The following KIFC2 variants were observed in gnomAD, a reference collection of about 807,000 sequenced individuals.
KIFC2 encodes the protein kinesin-like protein KIFC2.
In KIFC2, 94 loss-of-function variants were observed where a neutral mutation model predicts 91.5. The observed-to-expected ratio is 1.03, with a 90% CI of 0.87 to 1.22. The LOEUF (loss-of-function observed/expected upper bound fraction) is 1.22, where lower values mean the gene tolerates loss of function less well. Ranked by LOEUF, KIFC2 falls within the 50% of genes most tolerant of loss-of-function variation. The probability of loss-of-function intolerance (pLI) is 0.00; values close to 1 mark genes in which losing one functional copy is unlikely to be tolerated. For synonymous variants in KIFC2, 729 were observed against 503.9 expected (o/e 1.45, Z -5.98); for missense variants, 1,357 against 1,103.3 (o/e 1.23, Z -3.26).
At chr8:144,466,872 G>C (rs1335599566) in intron 2 of KIFC2, 34 bp downstream of exon 2, 2 of 1,536,702 alleles carry the variant, frequency 1.3e-6, no homozygotes, top group Non-Finnish European at 1.7e-6. Flanking sequence ...CGGTGCGAGG[G>C]CGGTGCCGGG....
At position 144,472,791 on chromosome 8, in the gene KIFC2, C is replaced by T. The variant is rs1476970472; in HGVS notation, c.1862-4C>T. 5.7e-6 allele frequency: 9 copies of T among 1,591,018 alleles called. No individual in the cohort carries two copies. Among genetic ancestry groups the T allele is most frequent in the Non-Finnish European group, 6.8e-6 (8 of 1,176,792 alleles). ...CCCCATGTCGGGCTCGCTCGCCCCTCTAGGCACGCTGCACCTGGTGGACCT... is the reference window on the plus strand; with the variant it reads ...CCCCATGTCGGGCTCGCTCGCCCCTTTAGGCACGCTGCACCTGGTGGACCT... On this transcript the variant is annotated splice_region_variant and splice_polypyrimidine_tract_variant and intron_variant, in intron 16 of 17. Coordinates refer to ENST00000645548, the MANE Select transcript of KIFC2 (RefSeq NM_001369769.2).
At position 144,473,804 on chromosome 8, in the gene KIFC2, C is replaced by T. The variant is rs1173821200; in HGVS notation, c.*415C>T. 1.6e-5 allele frequency: 6 copies of T among 369,592 alleles called. No individual in the cohort carries two copies. In the East Asian group the frequency reaches 1.9e-4, roughly 12 times the overall value. The allele number at this position is 369,592 out of a possible 1,614,324, so 22.9% of individuals were successfully genotyped here. On this transcript the variant is annotated 3_prime_UTR_variant, in exon 18 of 18. Transcript: ENST00000645548. ...CCATGTAGGGTGCAGTCTTTACTCC[C>T]TAACCCGTTTCCCGAAAAAGGTGCT...
chr8:144,473,088 T>C (rs2130024622), intron 17 of KIFC2, 37 bp downstream of exon 17: 1 of 1,529,706 alleles, frequency 6.5e-7, no homozygotes, highest in Non-Finnish European at 8.8e-7. Flanking sequence ...TGCGTGCCGG[T>C]CGCCGCCCAC....
rs747471973 is a variant in KIFC2, at chr8:144,472,028, G to A, written c.1467G>A (p.Gly489=). 14 of 1,613,374 alleles carry A rather than the reference G, an allele frequency of 8.7e-6. No individual in the cohort carries two copies. The highest frequency in any genetic ancestry group is 8.5e-6 in the Non-Finnish European group (10 of 1,180,028). ...CIFTYGQTGT[G]KTYSMEGPPE... ...TCACCTATGGCCAGACAGGCACCGG[G>A]AAGACCTACAGCATGGAGGTGGGAC... The change falls in exon 13 of 18, where the codon GGG becomes GGA. Residue 489 remains glycine, a synonymous_variant. Transcript: ENST00000645548.
At chr8:144,471,407 C>CTCTTT (rs2130010937) in intron 12 of KIFC2, among the ~76,000 whole-genome samples, 1 of 151,368 alleles carries the variant, frequency 6.6e-6, no homozygotes, top group African/African-American at 2.4e-5. Flanking sequence ...GCTTCCTGGG[C>CTCTTT]TCAAGAGATC....
chr8:144,469,845 G>C (rs558584748), intron 12 of KIFC2, among the ~76,000 whole-genome samples, 198 bp downstream of exon 12: 80 of 152,238 alleles, frequency 5.3e-4, no homozygotes, highest in Admixed American at 9.8e-4. Flanking sequence ...CTCCTCCCAG[G>C]CTTCACTGCC....
At chr8:144,471,652 C>T (rs1261158291) in intron 12 of KIFC2, among the ~76,000 whole-genome samples, 4 of 152,168 alleles carry the variant, frequency 2.6e-5, no homozygotes, top group African/African-American at 9.7e-5. Flanking sequence ...TAACTGCTGT[C>T]CCCAGGTCTC....
Position 144,473,426 on chromosome 8 carries a change from A to G in KIFC2, c.*37A>G. 6.4e-7 allele frequency: 1 copy of G among 1,553,624 alleles called. No homozygotes were observed. The highest frequency in any genetic ancestry group is 8.7e-7 in the Non-Finnish European group (1 of 1,155,170). On this transcript the variant is annotated 3_prime_UTR_variant, in exon 18 of 18. Coordinates refer to ENST00000645548, the MANE Select transcript of KIFC2 (RefSeq NM_001369769.2). ...GGCCCTGCCCATGGGGTCTCAGGCC[A>G]GGTCTCTGCTGGCAGAGGCGGTAGT... is the stretch of plus-strand genomic sequence containing the variant.
chr8:144,468,292 CCT>C, intron 7 of KIFC2, 35 bp from the exon 8 acceptor site: 2 of 1,553,048 alleles, frequency 1.3e-6, no homozygotes, highest in Non-Finnish European at 1.8e-6. Context: ...ACAGACCGTC[CCT>C]CTCTGAGTCC....
At chr8:144,469,991 C>G (rs1296764538) in intron 12 of KIFC2, among the ~76,000 whole-genome samples, 1 of 152,270 alleles carries the variant, frequency 6.6e-6, no homozygotes, top group Non-Finnish European at 1.5e-5. Context: ...TGTGCTCTCT[C>G]TGCCTTGCCT....
At position 144,466,431 on chromosome 8, in the gene KIFC2, T is replaced by G; in HGVS notation, c.12T>G (p.Phe4Leu). 2 of 1,341,774 alleles carry G rather than the reference T, an allele frequency of 1.5e-6. No homozygotes were observed. The highest frequency in any genetic ancestry group is 1.9e-6 in the Non-Finnish European group (2 of 1,030,948). The allele number at this position is 1,341,774 out of a possible 1,614,324, so 83.1% of individuals were successfully genotyped here. A position where few individuals can be genotyped will look rare whatever the true frequency, so the allele number is the denominator to read the frequency against. The change falls in exon 1 of 18, where the codon TTT becomes TTG. Residue 4 changes from phenylalanine (F) to leucine (L), a missense_variant. Coordinates refer to ENST00000645548, the MANE Select transcript of KIFC2 (RefSeq NM_001369769.2). MYA[F>L]YSLLIYIFYS... ...CGCCCCGCGCTCCCATGTACGCCTTTTACTCGTTGCTCATCTACATCTTCT... is the reference window on the plus strand; with the variant it reads ...CGCCCCGCGCTCCCATGTACGCCTTGTACTCGTTGCTCATCTACATCTTCT...
chr8:144,469,214 C>T (rs1174914038), intron 10 of KIFC2, 57 bp from the exon 11 acceptor site: 1 of 1,414,050 alleles, frequency 7.1e-7, no homozygotes, highest in Non-Finnish European at 9.7e-7. Context: ...CTCCCACCCC[C>T]CACCTCCGCA....
chr8:144,470,864 T>A (rs1824897158), intron 12 of KIFC2, among the ~76,000 whole-genome samples: 1 of 152,226 alleles, frequency 6.6e-6, no homozygotes, highest in Non-Finnish European at 1.5e-5. Context: ...ACTGCAGCCC[T>A]TATCTCTCAG....
rs1160170202 is a variant in KIFC2 at position 144,466,807 on chromosome 8, A to G, written c.147A>G (p.Pro49=). Residue 49 remains proline, a synonymous_variant, in exon 2 of 18, where the codon CCA becomes CCG. Transcript: ENST00000645548. ...GCCGGCGCCCAGACCTGCCCGCGCC[A>G]GAGCTGTGGACCGAGCTGACCGGCC... ...RGRRRPDLPA[P]ELWTELTGLA... is the part of the protein sequence containing the mutation. 4.6e-6 allele frequency: 7 copies of G among 1,537,670 alleles called. No individual in the cohort carries two copies. Among genetic ancestry groups the G allele is most frequent in the Non-Finnish European group, 6.1e-6 (7 of 1,149,098 alleles).
Position 144,472,359 on chromosome 8 carries a change from A to C in KIFC2, c.1608-2A>C. The C allele has an allele frequency of 1.2e-6, 2 of 1,613,394 alleles. No homozygotes were observed. Among genetic ancestry groups the C allele is most frequent in the Non-Finnish European group, 1.7e-6 (2 of 1,179,974 alleles). On this transcript the variant is annotated splice_acceptor_variant, in intron 14 of 17. Coordinates refer to ENST00000645548, the MANE Select transcript of KIFC2 (RefSeq NM_001369769.2). LOFTEE classifies it high-confidence loss of function. ...AACCAAGACCTTCCCCTTTCTCACC[A>C]GGGACCTCCTTGCTCCAGGGCCTCC...
chr8:144,466,306 C>A (rs922432174), upstream of KIFC2: 4 of 254,002 alleles, frequency 1.6e-5, no homozygotes, highest in African/African-American at 6.9e-5. Flanking sequence ...GGAGCCGGGC[C>A]GTGGGGGCGG....
At position 144,472,031 on chromosome 8, in the gene KIFC2, G is replaced by A; in HGVS notation, c.1470G>A (p.Lys490=). ...CCTATGGCCAGACAGGCACCGGGAA[G>A]ACCTACAGCATGGAGGTGGGACAGA... ...IFTYGQTGTG[K]TYSMEGPPED... is the part of the protein sequence containing the mutation. Residue 490 remains lysine, a synonymous_variant, in exon 13 of 18, where the codon AAG becomes AAA. Transcript: ENST00000645548. The A allele has an allele frequency of 6.2e-7, 1 of 1,613,512 alleles. No homozygotes were observed. Among genetic ancestry groups the A allele is most frequent in the East Asian group, 2.2e-5 (1 of 44,884 alleles).
chr8:144,466,967 G>C lies in KIFC2; in HGVS notation c.187G>C (p.Glu63Gln). 6.3e-7 allele frequency: 1 copy of C among 1,594,236 alleles called. No individual in the cohort carries two copies. Among genetic ancestry groups the C allele is most frequent in the Non-Finnish European group, 8.5e-7 (1 of 1,176,540 alleles). The change falls in exon 3 of 18, where the codon GAG (glutamate) becomes CAG (glutamine). Residue 63 changes from glutamate to glutamine, a missense_variant. Physicochemically the swap from Glu to Gln is conservative, Grantham distance 29. Transcript: ENST00000645548. ...TELTGLAASS[E>Q]PEDGSEGAAE... ...TCCTCCCTGACCGGCAGCCAGCTCC[G>C]AGCCTGAGGATGGGTCGGAAGGCGC...
Position 144,472,484 on chromosome 8 carries a change from G to A in KIFC2, c.1731G>A (p.Gln577=), listed in dbSNP as rs904286324. 6.2e-7 allele frequency: 1 copy of A among 1,611,820 alleles called. No homozygotes were observed. The highest frequency in any genetic ancestry group is 1.1e-5 in the South Asian group (1 of 90,986). ...TGCCCAACCTGGAGACATTGCACCA[G>A]GTAGGGCTGCACCGCTCTCCGAGAC... The part of the protein sequence containing the change: ...WDVPNLETLH[Q]MLKLGRSNRA... The change falls in exon 15 of 18, where the codon CAG becomes CAA. Residue 577 remains glutamine (Q), a splice_region_variant and synonymous_variant. Coordinates refer to ENST00000645548, the MANE Select transcript of KIFC2 (RefSeq NM_001369769.2).
Sources: gnomAD v4.1 joint callset for allele counts (sites outside exome capture counted in the v4.1 genomes callset) on GRCh38, gnomAD v4.1.1 for gene constraint, MANE v1.5 for transcripts, NCBI Gene and HGNC (gene_info 2026-07-23, HGNC 2026-07-21) for gene names.